The following CEP89 variants were observed in gnomAD, a reference collection of about 807,000 sequenced individuals.
CEP89 encodes the protein centrosomal protein 89.
CEP89 carries 95 observed loss-of-function variants against 97.6 expected under a neutral mutation model. That is an observed-to-expected ratio of 0.97 (90% CI 0.82 to 1.15). The LOEUF is 1.15. Ranked by LOEUF, CEP89 falls within the 50% of genes most tolerant of loss-of-function variation. CEP89 has a pLI of 0.00. For synonymous variants in CEP89, 354 were observed against 349.1 expected, an observed-to-expected ratio of 1.01 and a Z score of -0.16; for missense variants, 869 against 947.7, an observed-to-expected ratio of 0.92 and a Z score of 1.09.
chr19:32,899,759 T>C (rs1382143331), intron 16 of CEP89, 98 bp downstream of exon 16: 6 of 1,236,454 alleles, frequency 4.9e-6, no homozygotes, highest in Non-Finnish European at 6.8e-6. Flanking sequence ...AGGGAATGCC[T>C]GGATAAAGCT....
intron 5 of CEP89, among the ~76,000 whole-genome samples, chr19:32,943,153 A>G (rs925870895): frequency 1.3e-5 from 2 of 152,124 alleles, no homozygotes; most frequent in African/African-American, 4.8e-5. Flanking sequence ...GTGTGCCATT[A>G]TGCCGGCTAA....
chr19:32,965,649 T>C (rs776876476), intron 2 of CEP89, among the ~76,000 whole-genome samples: 66 of 150,704 alleles, frequency 4.4e-4, no homozygotes, highest in Non-Finnish European at 1.2e-4. Context: ...TGAGCCATGA[T>C]TGCACCACTG....
intron 11 of CEP89, among the ~76,000 whole-genome samples, chr19:32,925,501 T>C (rs1305220131): frequency 7.0e-6 from 1 of 143,706 alleles, no homozygotes; most frequent in African/African-American, 2.7e-5. Flanking sequence ...TTTTTTTTTT[T>C]TTTTTCGAGA....
At chr19:32,922,384 A>T (rs551687803) in intron 12 of CEP89, among the ~76,000 whole-genome samples, 1 of 152,202 alleles carries the variant, frequency 6.6e-6, no homozygotes, top group Admixed American at 6.5e-5. Context: ...TCTACAAAAA[A>T]TTTTAAAAAA....
intron 14 of CEP89, among the ~76,000 whole-genome samples, chr19:32,908,103 C>T (rs1260606005): frequency 6.6e-6 from 1 of 152,166 alleles, no homozygotes; most frequent in Non-Finnish European, 1.5e-5. Flanking sequence ...TCTGTGATAC[C>T]CACACAATGA....
chr19:32,961,114 T>C (rs1375133135), intron 2 of CEP89, among the ~76,000 whole-genome samples: 1 of 151,894 alleles, frequency 6.6e-6, no homozygotes, highest in Admixed American at 6.6e-5. Context: ...CAGTGCCAGG[T>C]GCTTACATAC....
At chr19:32,913,704 T>C (rs73571791) in intron 14 of CEP89, among the ~76,000 whole-genome samples, 38,547 of 149,924 alleles carry the variant, frequency 0.26, 5,377 homozygotes, top group African/African-American at 0.35. Context: ...AGTATTGCAA[T>C]TTCAGCTCAC....
intron 12 of CEP89, among the ~76,000 whole-genome samples, chr19:32,921,841 G>A (rs1471140214): frequency 6.6e-6 from 1 of 152,154 alleles, no homozygotes; most frequent in Non-Finnish European, 1.5e-5. Flanking sequence ...TGACGCATCG[G>A]TGACCACAAA....
At chr19:32,934,682 G>T (rs1313999341) in intron 7 of CEP89, among the ~76,000 whole-genome samples, 1 of 152,214 alleles carries the variant, frequency 6.6e-6, no homozygotes, top group African/African-American at 2.4e-5. Context: ...AAATCCCAGA[G>T]ATAAAACAGT....
intron 12 of CEP89, among the ~76,000 whole-genome samples, chr19:32,921,176 C>T (rs1229256054): frequency 6.6e-6 from 1 of 150,808 alleles, no homozygotes; most frequent in Non-Finnish European, 1.5e-5. Flanking sequence ...GAGTCGAGAT[C>T]GCGCCACTGC....
chr19:32,946,278 T>C (rs1970796285), intron 5 of CEP89, among the ~76,000 whole-genome samples: 1 of 152,098 alleles, frequency 6.6e-6, no homozygotes, highest in Non-Finnish European at 1.5e-5. Context: ...CCAAACCTGT[T>C]ATTATTAATC....
At chr19:32,951,566 C>CACACACACACAA (rs1555794438) in intron 4 of CEP89, among the ~76,000 whole-genome samples, 1 of 150,488 alleles carries the variant, frequency 6.6e-6, no homozygotes, top group Non-Finnish European at 1.5e-5. Flanking sequence ...CACACACACA[C>CACACACACACAA]GCACACTACT....
At chr19:32,968,015 G>C (rs1475575876) in intron 1 of CEP89, among the ~76,000 whole-genome samples, 1 of 152,084 alleles carries the variant, frequency 6.6e-6, no homozygotes, top group African/African-American at 2.4e-5. Context: ...CACAGAGTGG[G>C]GGCATCTTTC....
rs1270777044 is a variant in CEP89 at position 32,900,004 on chromosome 19, G to A, written c.1734-6C>T. On this transcript the variant is annotated splice_region_variant and splice_polypyrimidine_tract_variant and intron_variant, in intron 15 of 18. Transcript: ENST00000305768. ...CAATTTTCTTTTGAGATTTCCTAGA[G>A]AGTTACCCCAAATGGTAGAATAAAA... The A allele has an allele frequency of 1.2e-6, 2 of 1,613,906 alleles. No homozygotes were observed. The highest frequency in any genetic ancestry group is 2.2e-5 in the South Asian group (2 of 91,054).
At chr19:32,902,000 C>CTG (rs1969784585) in intron 14 of CEP89, among the ~76,000 whole-genome samples, 1 of 113,400 alleles carries the variant, frequency 8.8e-6, no homozygotes, top group African/African-American at 4.7e-5. Flanking sequence ...CTCTCTGTCT[C>CTG]TCTCTCTCTC....
At chr19:32,908,154 T>G (rs1315239021) in intron 14 of CEP89, among the ~76,000 whole-genome samples, 2 of 152,190 alleles carry the variant, frequency 1.3e-5, no homozygotes, top group African/African-American at 4.8e-5. Context: ...TGTATCCCCA[T>G]TAAGTGACAC....
intron 5 of CEP89, among the ~76,000 whole-genome samples, chr19:32,947,478 T>C (rs879432848): frequency 2.6e-4 from 39 of 151,966 alleles, no homozygotes; most frequent in African/African-American, 8.2e-4. Context: ...CCAGAAGCAA[T>C]TGACTGCAGA....
At chr19:32,953,989 C>CTAGT (rs1488074660) in intron 3 of CEP89, among the ~76,000 whole-genome samples, 188 bp from the exon 4 acceptor site, 2 of 151,870 alleles carry the variant, frequency 1.3e-5, no homozygotes, top group Non-Finnish European at 2.9e-5. Flanking sequence ...CTGCCTCAGC[C>CTAGT]TAGTGAGTAG....
intron 1 of CEP89, chr19:32,970,432 A>G (rs1023358860): frequency 6.6e-6 from 1 of 151,960 alleles, no homozygotes; most frequent in African/African-American, 2.4e-5. Context: ...AGGTGAGAGG[A>G]TTGCTTGAGC....
Sources: allele counts gnomAD v4.1 joint callset (sites outside exome capture counted in the v4.1 genomes callset), GRCh38; gene constraint gnomAD v4.1.1; transcripts MANE v1.5; gene names NCBI Gene and HGNC (gene_info 2026-07-23, HGNC 2026-07-21).